PCDH15: variants seen among roughly 807,000 people sequenced by gnomAD.
PCDH15 encodes the protein protocadherin related 15.
In PCDH15, 129 loss-of-function variants were observed where a neutral mutation model predicts 178.5. The observed-to-expected ratio is 0.72, with a 90% CI of 0.63 to 0.84. The LOEUF (loss-of-function observed/expected upper bound fraction) is 0.84. Among genes scored for constraint, PCDH15 ranks in the 40% least tolerant of loss-of-function variants. The pLI is 0.00. For missense variants in PCDH15, 2,230 were observed against 2,099.9 expected, an observed-to-expected ratio of 1.06 and a Z score of -1.21; for synonymous variants, 800 against 732.0, an observed-to-expected ratio of 1.09 and a Z score of -1.50.
intron 28 of PCDH15, among the ~76,000 whole-genome samples, chr10:53,844,359 A>G (rs2077842351): frequency 6.6e-6 from 1 of 152,084 alleles, no homozygotes; most frequent in South Asian, 2.1e-4. Context: ...TGCTCAGCCT[A>G]CTCAATAATT....
Position 54,317,409 on chromosome 10 carries a change from G to T in PCDH15, c.738C>A (p.Thr246=). 6.2e-7 allele frequency: 1 copy of T among 1,613,900 alleles called. No individual in the cohort carries two copies. The highest frequency in any genetic ancestry group is 8.5e-7 in the Non-Finnish European group (1 of 1,179,886). The part of the protein sequence containing the change: ...DRAQNLNERR[T]TTTTLTVDVL... ...CATCCACTGTGAGAGTGGTGGTGGT[G>T]GTTCGCCTCTCATTCAGATTTTGGG... is the stretch of plus-strand genomic sequence containing the variant. Residue 246 remains threonine, a synonymous_variant, in exon 8 of 38, where the codon ACC becomes ACA. Transcript: ENST00000644397.
intron 32 of PCDH15, chr10:53,825,058 A>C: frequency 7.1e-7 from 1 of 1,417,142 alleles, no homozygotes; most frequent in Non-Finnish European, 9.2e-7. Flanking sequence ...CTGTATTTAC[A>C]GTACAACAGC....
At chr10:55,528,915 C>T (rs2132060724) in intron 2 of PCDH15, among the ~76,000 whole-genome samples, 1 of 152,150 alleles carries the variant, frequency 6.6e-6, no homozygotes. Context: ...TAATGATTGC[C>T]ATTCTAACTG....
At chr10:54,333,069 A>G (rs760519584) in intron 6 of PCDH15, among the ~76,000 whole-genome samples, 1 of 152,062 alleles carries the variant, frequency 6.6e-6, no homozygotes, top group Non-Finnish European at 1.5e-5. Flanking sequence ...TCAGCCTCTG[A>G]GTAGATAGGA....
In PCDH15 at chr10:54,008,939, C is replaced by T. The variant is rs542409115; in HGVS notation, c.2751+11253G>A. On this transcript the variant is annotated intron_variant, in intron 20 of 37. Transcript: ENST00000644397. ...ACATATTATGGCATCTTCATAACCACCAATATTATATTCCCTAAATATTTT... is the reference window on the plus strand; with the variant it reads ...ACATATTATGGCATCTTCATAACCATCAATATTATATTCCCTAAATATTTT... Among the ~76,000 whole-genome samples, 4 of 152,184 alleles carry T rather than the reference C, an allele frequency of 2.6e-5. No homozygotes were observed. In the East Asian group the frequency reaches 7.7e-4, roughly 29 times the overall value.
At chr10:53,946,679 T>C (rs1436397620) in intron 23 of PCDH15, among the ~76,000 whole-genome samples, 2 of 152,242 alleles carry the variant, frequency 1.3e-5, no homozygotes, top group South Asian at 2.1e-4. Context: ...AAAGTAAATA[T>C]TTGCAGATTA....
At chr10:54,645,667 AAAG>A (rs1437933162) in intron 2 of PCDH15, among the ~76,000 whole-genome samples, 2 of 152,190 alleles carry the variant, frequency 1.3e-5, no homozygotes, top group African/African-American at 4.8e-5. Context: ...GTGTTCTAAG[AAAG>A]AAGTGGCCAA....
chr10:54,714,529 T>A (rs1273144371), intron 1 of PCDH15, among the ~76,000 whole-genome samples: 1 of 152,174 alleles, frequency 6.6e-6, no homozygotes, highest in East Asian at 1.9e-4. Flanking sequence ...TATAATCTAA[T>A]TCCAATATAG....
At chr10:54,780,745 A>G (rs1014689193) in intron 1 of PCDH15, among the ~76,000 whole-genome samples, 1 of 151,710 alleles carries the variant, frequency 6.6e-6, no homozygotes, top group African/African-American at 2.4e-5. Flanking sequence ...AAAAAAAAAA[A>G]AAAAAAGAAA....
chr10:54,199,240 A>G (rs575675878), intron 10 of PCDH15, among the ~76,000 whole-genome samples: 12 of 152,238 alleles, frequency 7.9e-5, no homozygotes, highest in South Asian at 2.1e-4. Context: ...CTGACCAGAT[A>G]TCTGTCTCCA....
intron 2 of PCDH15, among the ~76,000 whole-genome samples, chr10:55,439,546 A>G (rs977618171): frequency 3.3e-5 from 5 of 152,156 alleles, no homozygotes; most frequent in Admixed American, 6.5e-5. Flanking sequence ...GGGGAGGGAT[A>G]AGAGTAAATA....
At chr10:54,764,243 T>G (rs139658991) in intron 1 of PCDH15, among the ~76,000 whole-genome samples, 171 of 152,262 alleles carry the variant, frequency 1.1e-3, no homozygotes, top group African/African-American at 3.8e-3. Context: ...ATTTTGAGAT[T>G]TGCTAATTCA....
chr10:55,258,276 G>T (rs558799771), intron 1 of PCDH15, among the ~76,000 whole-genome samples: 325 of 152,254 alleles, frequency 2.1e-3, no homozygotes, highest in South Asian at 0.012. Context: ...ATTAGTTTTT[G>T]AATGACCCAG....
chr10:54,095,976 C>A (rs1269364271), intron 15 of PCDH15, among the ~76,000 whole-genome samples: 1 of 152,000 alleles, frequency 6.6e-6, no homozygotes, highest in Non-Finnish European at 1.5e-5. Context: ...TAATGGTTAC[C>A]ATTATGTATT....
intron 1 of PCDH15, among the ~76,000 whole-genome samples, chr10:54,691,269 A>T (rs978371421): frequency 6.6e-6 from 1 of 152,088 alleles, no homozygotes; most frequent in African/African-American, 2.4e-5. Flanking sequence ...GACTTTCTTA[A>T]TGAGTAGTAA....
At chr10:54,779,576 C>T (rs1950168816) in intron 1 of PCDH15, among the ~76,000 whole-genome samples, 1 of 134,352 alleles carries the variant, frequency 7.4e-6, no homozygotes, top group African/African-American at 2.8e-5. Flanking sequence ...ATACAGCACA[C>T]TGATTCTTTC....
chr10:55,594,159 AAT>A (rs1289396896), intron 2 of PCDH15, among the ~76,000 whole-genome samples: 1 of 151,926 alleles, frequency 6.6e-6, no homozygotes. Flanking sequence ...TTTATGTGAA[AAT>A]ATGTTTCCAG....
intron 2 of PCDH15, among the ~76,000 whole-genome samples, chr10:55,027,352 C>T (rs79126188): frequency 0.029 from 4,346 of 151,678 alleles, 211 homozygotes; most frequent in African/African-American, 0.099. Context: ...AGCAAAGTCA[C>T]ACTGTCTAGA....
intron 18 of PCDH15, among the ~76,000 whole-genome samples, chr10:54,034,626 C>CATTTGTAGAGAA (rs143888616): frequency 0.61 from 92,935 of 151,146 alleles, 30,580 homozygotes; most frequent in Non-Finnish European, 0.74. Context: ...GGACTGCATT[C>CATTTGTAGAGAA]AAAGAGCTAA....
Sources: allele counts gnomAD v4.1 joint callset (sites outside exome capture counted in the v4.1 genomes callset), GRCh38; gene constraint gnomAD v4.1.1; transcripts MANE v1.5; gene names NCBI Gene and HGNC (gene_info 2026-07-23, HGNC 2026-07-21).